The following KMT2C variants were observed in gnomAD, a reference collection of about 807,000 sequenced individuals.
The protein encoded by KMT2C is lysine methyltransferase 2C.
Under a neutral mutation model 507.9 loss-of-function variants are expected in KMT2C, and 88 were observed. That is an observed-to-expected ratio of 0.17 (90% CI 0.15 to 0.21). KMT2C has a LOEUF of 0.21. KMT2C is among the 10% of genes least tolerant of loss of function. The pLI, the probability that KMT2C is intolerant of heterozygous loss-of-function variation, is 1.00. For synonymous variants in KMT2C, 2,049 were observed against 2,080.8 expected (o/e 0.98, Z 0.42); for missense variants, 4,954 against 5,957.8 (o/e 0.83, Z 5.55).
chr7:152,255,157 A>ATATATATATATATATATG (rs767823858), intron 9 of KMT2C, among the ~76,000 whole-genome samples: 4 of 128,376 alleles, frequency 3.1e-5, no homozygotes, highest in Admixed American at 7.9e-5. Context: ...ATATATATAT[A>ATATATATATATATATATG]TGTGTGTGTG....
intron 38 of KMT2C, among the ~76,000 whole-genome samples, chr7:152,175,295 G>A (rs1235526188): frequency 6.6e-6 from 1 of 151,802 alleles, no homozygotes; most frequent in Admixed American, 6.6e-5. Context: ...ACAGGCGCAC[G>A]CTGCTATGCC....
At chr7:152,210,592 G>C (rs2094433447) in intron 23 of KMT2C, among the ~76,000 whole-genome samples, 1 of 151,220 alleles carries the variant, frequency 6.6e-6, no homozygotes, top group Non-Finnish European at 1.5e-5. Context: ...TTTTATGTGT[G>C]GCCCAAGACA....
rs1188893901 is a variant in KMT2C at position 152,201,525 on chromosome 7, G to A, written c.4092+1409C>T. Among the ~76,000 whole-genome samples, 4 of 148,748 alleles carry A rather than the reference G, an allele frequency of 2.7e-5. No homozygotes were observed. The East Asian group carries it at 5.9e-4, about 22-fold the overall frequency. On this transcript the variant is annotated intron_variant, in intron 26 of 58. Transcript: ENST00000262189. Reference sequence around the variant, plus strand: ...ATTACACTTTACAGAAGGATCAATAGGAGGAAAAGTAGGTTGCCATCACAA... The same window carrying A: ...ATTACACTTTACAGAAGGATCAATAAGAGGAAAAGTAGGTTGCCATCACAA...
At chr7:152,319,797 A>G (rs1446592686) in intron 3 of KMT2C, among the ~76,000 whole-genome samples, 1 of 152,282 alleles carries the variant, frequency 6.6e-6, no homozygotes, top group Non-Finnish European at 1.5e-5. Flanking sequence ...TCTGATAAGC[A>G]GAAATAATGG....
intron 1 of KMT2C, among the ~76,000 whole-genome samples, chr7:152,434,178 G>A (rs1384469794): frequency 1.3e-5 from 2 of 152,148 alleles, no homozygotes; most frequent in Non-Finnish European, 2.9e-5. Context: ...TTTTATACTT[G>A]CCACTGTATT....
chr7:152,173,880 C>T (rs1222764139), intron 39 of KMT2C, among the ~76,000 whole-genome samples: 1 of 152,188 alleles, frequency 6.6e-6, no homozygotes, highest in African/African-American at 2.4e-5. Context: ...ATCCAATCTT[C>T]CAAATCTTTT....
intron 1 of KMT2C, among the ~76,000 whole-genome samples, chr7:152,408,276 A>G (rs1050072060): frequency 6.6e-6 from 1 of 152,176 alleles, no homozygotes; most frequent in Non-Finnish European, 1.5e-5. Flanking sequence ...TGACAGAGTG[A>G]GACTCCATCT....
At chr7:152,164,218 A>G (rs1337456358) in intron 42 of KMT2C, among the ~76,000 whole-genome samples, 1 of 152,212 alleles carries the variant, frequency 6.6e-6, no homozygotes, top group East Asian at 1.9e-4. Flanking sequence ...CAATGTTAGA[A>G]TAACAGACTT....
intron 7 of KMT2C, 32 bp from the exon 8 acceptor site, chr7:152,265,241 G>T (rs368429893): frequency 6.2e-7 from 1 of 1,608,548 alleles, no homozygotes; most frequent in South Asian, 1.1e-5. Context: ...TGAAATTGTT[G>T]TATAAGAATT....
chr7:152,246,248 G>A (rs1176987321), intron 14 of KMT2C, among the ~76,000 whole-genome samples: 2 of 152,050 alleles, frequency 1.3e-5, no homozygotes, highest in Non-Finnish European at 2.9e-5. Context: ...AACCAAGATT[G>A]GAAAACTAAA....
Position 152,136,809 on chromosome 7 carries a change from G to A in KMT2C, c.*23C>T, listed in dbSNP as rs956598366. Reference sequence around the variant, plus strand: ...GCCTCTTCCTAGGGACAAGCCGCCCGCTGAGCTAGCAAGGAATGCATTTCA... The same window carrying A: ...GCCTCTTCCTAGGGACAAGCCGCCCACTGAGCTAGCAAGGAATGCATTTCA... On this transcript the variant is annotated 3_prime_UTR_variant, in exon 59 of 59. Transcript: ENST00000262189. 3.8e-6 allele frequency: 6 copies of A among 1,570,308 alleles called. No homozygotes were observed. The highest frequency in any genetic ancestry group is 3.3e-5 in the South Asian group (3 of 90,250).
intron 1 of KMT2C, among the ~76,000 whole-genome samples, chr7:152,418,867 A>G (rs2097761967): frequency 6.6e-6 from 1 of 152,146 alleles, no homozygotes; most frequent in East Asian, 1.9e-4. Context: ...ATCACAAAAA[A>G]AAAAAAACTG....
intron 3 of KMT2C, among the ~76,000 whole-genome samples, chr7:152,324,206 C>T (rs2096802347): frequency 1.3e-5 from 2 of 151,254 alleles, no homozygotes; most frequent in Non-Finnish European, 3.0e-5. Context: ...AGATACAGTG[C>T]ATAGCAGGGT....
intron 3 of KMT2C, among the ~76,000 whole-genome samples, chr7:152,323,965 G>A (rs2096799244): frequency 6.6e-6 from 1 of 151,704 alleles, no homozygotes; most frequent in East Asian, 1.9e-4. Flanking sequence ...TCACTTATAT[G>A]TAGAATCTAA....
chr7:152,368,127 CA>C, intron 1 of KMT2C: 5 of 932,954 alleles, frequency 5.4e-6, no homozygotes, highest in Non-Finnish European at 7.2e-6. Context: ...AAGTTAATGG[CA>C]AAAGGGTCAA....
chr7:152,230,471 G>A (rs1250264043), intron 16 of KMT2C, 150 bp from the exon 17 acceptor site: 12 of 457,828 alleles, frequency 2.6e-5, no homozygotes, highest in South Asian at 2.4e-4. Context: ...AGATACTACC[G>A]TAAAATGGAG....
rs1221746311 is a variant in KMT2C at position 152,427,695 on chromosome 7, G to A, written c.161+7931C>T. The stretch of plus-strand genomic sequence containing the variant: ...TATAACTGGTCCCCTATCTCCTAAG[G>A]GCAACAAAGCATCCTAATCCTTTAC... On this transcript the variant is annotated intron_variant, in intron 1 of 58. Transcript: ENST00000262189. 2.0e-5 allele frequency among the ~76,000 whole-genome samples: 3 copies of A among 151,988 alleles called. No homozygotes were observed. The East Asian group carries it at 5.8e-4, about 29-fold the overall frequency.
At chr7:152,402,463 A>G (rs1257439511) in intron 1 of KMT2C, among the ~76,000 whole-genome samples, 3 of 151,064 alleles carry the variant, frequency 2.0e-5, no homozygotes, top group South Asian at 2.1e-4. Context: ...TATAAAAACC[A>G]TTAGAAGAAA....
At chr7:152,364,473 G>T (rs1292057647) in intron 1 of KMT2C, among the ~76,000 whole-genome samples, 1 of 152,016 alleles carries the variant, frequency 6.6e-6, no homozygotes, top group African/African-American at 2.4e-5. Flanking sequence ...CGGGCGCGTG[G>T]TGGCAGGTGC....
Sources: gnomAD v4.1 joint callset for allele counts (sites outside exome capture counted in the v4.1 genomes callset) on GRCh38, gnomAD v4.1.1 for gene constraint, MANE v1.5 for transcripts, NCBI Gene and HGNC (gene_info 2026-07-23, HGNC 2026-07-21) for gene names.